Variants in TLN2 observed in about 807,000 individuals in gnomAD.
TLN2 encodes the protein talin 2, also known as talin-2.
TLN2 carries 118 observed loss-of-function variants against 294.7 expected under a neutral mutation model. That is an observed-to-expected ratio of 0.40 (90% CI 0.34 to 0.47). The LOEUF (loss-of-function observed/expected upper bound fraction) is 0.47, where lower values mean the gene tolerates loss of function less well. Among genes scored for constraint, TLN2 ranks in the 20% least tolerant of loss-of-function variants. TLN2 has a pLI of 0.84. For synonymous variants in TLN2, 1,431 were observed against 1,304.5 expected, an observed-to-expected ratio of 1.10 and a Z score of -2.09; for missense variants, 3,083 against 3,282.2, an observed-to-expected ratio of 0.94 and a Z score of 1.48.
rs769834426 is a variant in TLN2, at chr15:62,737,097, G to A, written c.3567+11G>A. On this transcript the variant is annotated intron_variant, in intron 29 of 58. Transcript: ENST00000636159. ...CAAAGACTGGCTCAGGTGAGGCTAG[G>A]AATGAGAAATTGTGGTTGTCATGGT... is the stretch of plus-strand genomic sequence containing the variant. 35 of 1,613,860 alleles carry A rather than the reference G, an allele frequency of 2.2e-5. No individual in the cohort carries two copies. The South Asian group carries it at 3.7e-4, about 17-fold the overall frequency.
At chr15:62,673,688 A>AT in intron 9 of TLN2, 139 bp from the exon 10 acceptor site, 1 of 596,918 alleles carries the variant, frequency 1.7e-6, no homozygotes, top group Non-Finnish European at 2.9e-6. Flanking sequence ...ATCGTAGGAT[A>AT]TAGCAGTCTG....
At chr15:62,579,134 G>A (rs1028945997) in intron 1 of TLN2, among the ~76,000 whole-genome samples, 1 of 152,174 alleles carries the variant, frequency 6.6e-6, no homozygotes, top group Non-Finnish European at 1.5e-5. Context: ...ATACTGAGAA[G>A]AGGAAGTACA....
chr15:62,652,123 G>A lies in TLN2; in HGVS notation c.353G>A (p.Cys118Tyr). ...KTVGELLVTI[C>Y]SRIGITNYEE... is the part of the protein sequence containing the mutation. ...GTGGGGGAGCTCCTGGTCACTATTT[G>A]TAGCAGAATAGGTGAGCATTCATAC... The change falls in exon 6 of 59, where the codon TGT (cysteine) becomes TAT (tyrosine). Residue 118 changes from cysteine (C) to tyrosine (Y), a missense_variant. Coordinates refer to ENST00000636159, the MANE Select transcript of TLN2 (RefSeq NM_015059.3). The A allele has an allele frequency of 4.4e-6, 7 of 1,598,134 alleles. No individual in the cohort carries two copies. Among genetic ancestry groups the A allele is most frequent in the Non-Finnish European group, 6.0e-6 (7 of 1,171,798 alleles).
intron 2 of TLN2, among the ~76,000 whole-genome samples, chr15:62,614,183 G>GT (rs34615868): frequency 6.6e-6 from 1 of 152,114 alleles, no homozygotes; most frequent in Non-Finnish European, 1.5e-5. Context: ...AAACCAATAG[G>GT]TTTTGCTGTG....
intron 4 of TLN2, among the ~76,000 whole-genome samples, chr15:62,647,699 C>T (rs564619991): frequency 2.0e-5 from 3 of 152,290 alleles, no homozygotes; most frequent in East Asian, 3.9e-4. Context: ...TTATGCTCTG[C>T]GGTTTACAGA....
intron 20 of TLN2, 101 bp downstream of exon 20, chr15:62,707,354 T>C (rs759026627): frequency 7.1e-5 from 97 of 1,365,104 alleles, no homozygotes; most frequent in Non-Finnish European, 8.9e-5. Flanking sequence ...GTTTAAATAG[T>C]CCGAGATTTA....
intron 32 of TLN2, among the ~76,000 whole-genome samples, chr15:62,744,209 C>T (rs1390715025): frequency 6.6e-6 from 1 of 152,064 alleles, no homozygotes; most frequent in Non-Finnish European, 1.5e-5. Flanking sequence ...TTTCTTCCGG[C>T]TCCCTGCGAG....
At chr15:62,436,947 T>A (rs2035314983) in intron 1 of TLN2, among the ~76,000 whole-genome samples, 1 of 152,168 alleles carries the variant, frequency 6.6e-6, no homozygotes, top group South Asian at 2.1e-4. Flanking sequence ...CAGGATGGTC[T>A]CAGACTCCCA....
chr15:62,582,219 C>CACACACACACACACAT (rs71129014), intron 1 of TLN2, among the ~76,000 whole-genome samples: 4,741 of 135,320 alleles, frequency 0.035, 207 homozygotes, highest in Non-Finnish European at 0.052. Flanking sequence ...CACACACACA[C>CACACACACACACACAT]ACACACACAC....
intron 1 of TLN2, among the ~76,000 whole-genome samples, chr15:62,407,279 C>G (rs2033462741): frequency 6.6e-6 from 1 of 152,078 alleles, no homozygotes; most frequent in South Asian, 2.1e-4. Context: ...GGCTTGTATA[C>G]TAAATAGTAG....
At chr15:62,436,688 T>A (rs1162153883) in intron 1 of TLN2, among the ~76,000 whole-genome samples, 1 of 152,190 alleles carries the variant, frequency 6.6e-6, no homozygotes, top group Non-Finnish European at 1.5e-5. Context: ...TGTGTATGGC[T>A]TGGTTATTTG....
intron 1 of TLN2, among the ~76,000 whole-genome samples, chr15:62,505,557 C>G (rs900127233): frequency 6.6e-6 from 1 of 152,124 alleles, no homozygotes; most frequent in Non-Finnish European, 1.5e-5. Context: ...AGGCGTACAT[C>G]CTTGCACAAC....
chr15:62,428,394 T>C (rs1451488970), intron 1 of TLN2, among the ~76,000 whole-genome samples: 1 of 152,250 alleles, frequency 6.6e-6, no homozygotes, highest in Non-Finnish European at 1.5e-5. Flanking sequence ...CCTTCTTTAC[T>C]TGGTTCCTGT....
At chr15:62,539,454 C>G (rs1478499511) in intron 1 of TLN2, among the ~76,000 whole-genome samples, 1 of 152,178 alleles carries the variant, frequency 6.6e-6, no homozygotes, top group African/African-American at 2.4e-5. Context: ...TGATAGTGCA[C>G]CTTCACTGGG....
intron 3 of TLN2, among the ~76,000 whole-genome samples, chr15:62,642,667 TTTG>T (rs1567243935): frequency 2.6e-5 from 4 of 152,130 alleles, no homozygotes; most frequent in South Asian, 4.1e-4. Context: ...CTACTTTCTT[TTTG>T]TTGTTGTTTT....
chr15:62,532,216 C>G (rs184523058), intron 1 of TLN2, among the ~76,000 whole-genome samples: 10 of 151,912 alleles, frequency 6.6e-5, no homozygotes, highest in Admixed American at 4.6e-4. Flanking sequence ...TGCCTAATGT[C>G]GTGGGTTGTT....
At chr15:62,539,181 A>G (rs770422466) in intron 1 of TLN2, among the ~76,000 whole-genome samples, 1 of 152,208 alleles carries the variant, frequency 6.6e-6, no homozygotes, top group African/African-American at 2.4e-5. Flanking sequence ...AGCTTAAGCA[A>G]TGAAAATCTG....
intron 52 of TLN2, among the ~76,000 whole-genome samples, chr15:62,811,902 C>T (rs774612545): frequency 1.3e-4 from 19 of 151,866 alleles, no homozygotes; most frequent in Non-Finnish European, 1.9e-4. Flanking sequence ...ATCCTAGCTA[C>T]TCAGGAGGCT....
chr15:62,776,563 G>C (rs1160108947), intron 42 of TLN2, among the ~76,000 whole-genome samples: 1 of 152,078 alleles, frequency 6.6e-6, no homozygotes, highest in Admixed American at 6.5e-5. Context: ...ATTGTAAAAA[G>C]AGATCTTTTT....
Sources: gnomAD v4.1 joint callset for allele counts (sites outside exome capture counted in the v4.1 genomes callset) on GRCh38, gnomAD v4.1.1 for gene constraint, MANE v1.5 for transcripts, NCBI Gene and HGNC (gene_info 2026-07-23, HGNC 2026-07-21) for gene names.